DSCAM: variants seen among roughly 807,000 people sequenced by gnomAD.
The protein encoded by DSCAM is DS cell adhesion molecule, also known as cell adhesion molecule DSCAM.
DSCAM carries 47 observed loss-of-function variants against 217.7 expected under a neutral mutation model. The ratio of observed to expected loss-of-function variants is 0.22; its 90% CI spans 0.17 to 0.28. The LOEUF (loss-of-function observed/expected upper bound fraction) is 0.28. DSCAM is among the 10% of genes least tolerant of loss of function. The probability of loss-of-function intolerance (pLI) is 1.00; values close to 1 mark genes in which losing one functional copy is unlikely to be tolerated. For missense variants in DSCAM, 2,080 were observed against 2,618.3 expected (o/e 0.79, Z 4.49); for synonymous variants, 1,056 against 1,015.3 (o/e 1.04, Z -0.76).
In DSCAM at chr21:40,775,438, G is replaced by A. The variant is rs1385359644; in HGVS notation, c.44-66667C>T. Among the ~76,000 whole-genome samples the A allele has an allele frequency of 2.6e-5, 4 of 152,258 alleles. No homozygotes were observed. The East Asian group carries it at 7.7e-4, about 29-fold the overall frequency. On this transcript the variant is annotated intron_variant, in intron 1 of 32. Transcript: ENST00000400454. ...CCAGAAGAGGTTACCGTATGAATCTGGGTGGACTAAGTGAGGAAGATTTGC... is the reference window on the plus strand; with the variant it reads ...CCAGAAGAGGTTACCGTATGAATCTAGGTGGACTAAGTGAGGAAGATTTGC...
chr21:40,113,040 G>A lies in DSCAM; in HGVS notation c.3696+11155C>T, dbSNP rs565797901. On this transcript the variant is annotated intron_variant, in intron 20 of 32. Transcript: ENST00000400454. ...GAAACTATTCCAATCAATAGAAAAA[G>A]AGGAAATCCTCCCTAACTCATTTTA... Among the ~76,000 whole-genome samples, 492 of 152,262 alleles carry A rather than the reference G, an allele frequency of 3.2e-3. 1 individual carries two copies. The highest frequency in any genetic ancestry group is 0.011 in the African/African-American group (461 of 41,544).
At chr21:40,736,103 T>G (rs1245418393) in intron 1 of DSCAM, among the ~76,000 whole-genome samples, 1 of 152,188 alleles carries the variant, frequency 6.6e-6, no homozygotes, top group Admixed American at 6.5e-5. Flanking sequence ...TACTTAGTAT[T>G]ATCAGTTTCA....
chr21:40,303,445 C>T (rs918323130), intron 9 of DSCAM, among the ~76,000 whole-genome samples: 2 of 152,134 alleles, frequency 1.3e-5, no homozygotes, highest in Non-Finnish European at 2.9e-5. Context: ...AAGCCTTCCC[C>T]TGCCCAGCCT....
intron 18 of DSCAM, among the ~76,000 whole-genome samples, chr21:40,138,499 G>C (rs1260804968): frequency 1.4e-5 from 2 of 147,698 alleles, no homozygotes; most frequent in Non-Finnish European, 3.0e-5. Flanking sequence ...TGTGGTGTGT[G>C]TGTGTGCATA....
chr21:40,637,895 G>A (rs761708740), intron 3 of DSCAM, among the ~76,000 whole-genome samples: 1 of 151,436 alleles, frequency 6.6e-6, no homozygotes, highest in Non-Finnish European at 1.5e-5. Context: ...TATTGGTCAG[G>A]CAGGTCTTGA....
At chr21:40,580,010 C>A (rs2076891315) in intron 3 of DSCAM, among the ~76,000 whole-genome samples, 1 of 152,026 alleles carries the variant, frequency 6.6e-6, no homozygotes, top group South Asian at 2.1e-4. Flanking sequence ...CACTTCAGAT[C>A]ATCCACCAGA....
intron 3 of DSCAM, among the ~76,000 whole-genome samples, chr21:40,588,806 C>T (rs2076964191): frequency 6.6e-6 from 1 of 151,792 alleles, no homozygotes; most frequent in African/African-American, 2.4e-5. Flanking sequence ...AACAAGAAAA[C>T]TGAATAAGAA....
intron 1 of DSCAM, among the ~76,000 whole-genome samples, chr21:40,829,201 G>A (rs1182765054): frequency 6.6e-6 from 1 of 152,208 alleles, no homozygotes; most frequent in Non-Finnish European, 1.5e-5. Context: ...GTGTGGGTGT[G>A]TATTGGAGAG....
intron 3 of DSCAM, among the ~76,000 whole-genome samples, chr21:40,580,610 T>C (rs1476768510): frequency 6.6e-6 from 1 of 151,540 alleles, no homozygotes; most frequent in Non-Finnish European, 1.5e-5. Flanking sequence ...TAAAAGAGCA[T>C]GGAAAGTAGA....
At chr21:40,701,641 A>G (rs1055398088) in intron 2 of DSCAM, among the ~76,000 whole-genome samples, 1 of 151,490 alleles carries the variant, frequency 6.6e-6, no homozygotes, top group African/African-American at 2.4e-5. Flanking sequence ...AGTTGAAAAA[A>G]CTTTCTAATT....
At chr21:40,784,390 C>T (rs1363652392) in intron 1 of DSCAM, among the ~76,000 whole-genome samples, 1 of 152,144 alleles carries the variant, frequency 6.6e-6, no homozygotes, top group African/African-American at 2.4e-5. Context: ...GATTGTGAGG[C>T]CTCCCCAGCC....
chr21:40,152,426 CT>C (rs1439804797), intron 16 of DSCAM, among the ~76,000 whole-genome samples: 1 of 152,190 alleles, frequency 6.6e-6, no homozygotes, highest in Non-Finnish European at 1.5e-5. Context: ...ATTCATTTGC[CT>C]TTGGATTCAG....
intron 3 of DSCAM, among the ~76,000 whole-genome samples, chr21:40,390,556 G>GGT (rs1569100580): frequency 6.6e-6 from 1 of 152,052 alleles, no homozygotes; most frequent in Admixed American, 6.5e-5. Flanking sequence ...ATGATAGCAG[G>GGT]GTATTCTTTT....
intron 3 of DSCAM, among the ~76,000 whole-genome samples, chr21:40,452,237 T>TACACAC (rs71186937): frequency 0.019 from 2,725 of 144,344 alleles, 40 homozygotes; most frequent in African/African-American, 0.039. Context: ...TACACTATAT[T>TACACAC]ACACACACAC....
intron 3 of DSCAM, among the ~76,000 whole-genome samples, chr21:40,523,118 T>TA (rs1268116762): frequency 6.6e-6 from 1 of 152,050 alleles, no homozygotes; most frequent in Admixed American, 6.6e-5. Context: ...TTCATAATTT[T>TA]AAAAAATGCA....
intron 3 of DSCAM, among the ~76,000 whole-genome samples, chr21:40,659,462 TTATC>T (rs921534101): frequency 4.6e-5 from 7 of 152,284 alleles, no homozygotes; most frequent in South Asian, 4.1e-4. Flanking sequence ...TTTCTGTTTA[TTATC>T]TATCTACTAT....
At chr21:40,630,313 A>G (rs1249145801) in intron 3 of DSCAM, among the ~76,000 whole-genome samples, 1 of 152,240 alleles carries the variant, frequency 6.6e-6, no homozygotes, top group East Asian at 1.9e-4. Flanking sequence ...TAAATGGTGT[A>G]TAGTCAACAC....
intron 10 of DSCAM, among the ~76,000 whole-genome samples, chr21:40,278,134 C>CA (rs1320347536): frequency 6.6e-6 from 1 of 151,810 alleles, no homozygotes; most frequent in South Asian, 2.1e-4. Flanking sequence ...AATATATTGG[C>CA]AAAAAACCAT....
intron 4 of DSCAM, 46 bp downstream of exon 4, chr21:40,369,053 C>CA (rs1432843730): frequency 1.3e-6 from 2 of 1,538,760 alleles, no homozygotes; most frequent in Admixed American, 2.0e-5. Flanking sequence ...AGGACACTAA[C>CA]AAAGAAATAG....
Sources: gnomAD v4.1 joint callset for allele counts (sites outside exome capture counted in the v4.1 genomes callset) on GRCh38, gnomAD v4.1.1 for gene constraint, MANE v1.5 for transcripts, NCBI Gene and HGNC (gene_info 2026-07-23, HGNC 2026-07-21) for gene names.